The following MTFR1 variants were observed in gnomAD, a reference collection of about 807,000 sequenced individuals.
The protein encoded by MTFR1 is chondrocyte protein with a poly-proline region.
In MTFR1, 28 loss-of-function variants were observed where a neutral mutation model predicts 38.8. The observed-to-expected ratio is 0.72, with a 90% CI of 0.53 to 0.99. The LOEUF (loss-of-function observed/expected upper bound fraction) is 0.99, where lower values mean the gene tolerates loss of function less well. Ranked by LOEUF, MTFR1 falls within the 50% of genes least tolerant of loss-of-function variation. MTFR1 has a pLI of 0.00. For synonymous variants in MTFR1, 145 were observed against 137.0 expected, an observed-to-expected ratio of 1.06 and a Z score of -0.41; for missense variants, 358 against 395.5, an observed-to-expected ratio of 0.91 and a Z score of 0.81.
chr8:65,688,123 G>A (rs1301380891), intron 3 of MTFR1, among the ~76,000 whole-genome samples: 6 of 137,780 alleles, frequency 4.4e-5, no homozygotes, highest in South Asian at 4.9e-4. Flanking sequence ...AAAACAGGCC[G>A]GGCATGGTGG....
At chr8:65,689,619 C>A in intron 3 of MTFR1, 2 of 1,267,654 alleles carry the variant, frequency 1.6e-6, no homozygotes, top group South Asian at 2.6e-5. Flanking sequence ...CCTTTTCTTT[C>A]TCAAACTTCC....
At chr8:65,728,358 T>C (rs150954764) in intron 3 of MTFR1, 7 of 152,376 alleles carry the variant, frequency 4.6e-5, no homozygotes, top group Non-Finnish European at 1.0e-4. Context: ...CTTTCTCTGC[T>C]AGAACGAATC....
intron 4 of MTFR1, among the ~76,000 whole-genome samples, chr8:65,702,147 C>T (rs1805626905): frequency 6.6e-6 from 1 of 152,144 alleles, no homozygotes; most frequent in Admixed American, 6.5e-5. Flanking sequence ...CTGTAGCCTA[C>T]AACACTCCTG....
At chr8:65,663,822 CTTTTTTTT>C (rs1035579864) in intron 1 of MTFR1, among the ~76,000 whole-genome samples, 1 of 78,578 alleles carries the variant, frequency 1.3e-5, no homozygotes, top group Non-Finnish European at 2.5e-5. Flanking sequence ...AATTTCTTTT[CTTTTTTTT>C]TTTTTTTTTT....
At chr8:65,743,760 G>A (rs1807543891) in intron 3 of MTFR1, among the ~76,000 whole-genome samples, 1 of 152,060 alleles carries the variant, frequency 6.6e-6, no homozygotes, top group Non-Finnish European at 1.5e-5. Flanking sequence ...AAGTACAGCA[G>A]TGATTTCATT....
At chr8:65,711,775 A>G (rs909255526), downstream of MTFR1, among the ~76,000 whole-genome samples, 3 of 152,160 alleles carry the variant, frequency 2.0e-5, no homozygotes, top group African/African-American at 4.8e-5. Context: ...GACTATTATT[A>G]TCCTTAGTCT....
intron 3 of MTFR1, chr8:65,728,697 G>T (rs1437928730): frequency 6.6e-6 from 1 of 152,152 alleles, no homozygotes; most frequent in Non-Finnish European, 1.5e-5. Flanking sequence ...GAATGGGCAT[G>T]GGTGTCTATG....
At chr8:65,677,673 C>T (rs547300908) in intron 2 of MTFR1, among the ~76,000 whole-genome samples, 10 of 151,824 alleles carry the variant, frequency 6.6e-5, no homozygotes, top group Admixed American at 2.6e-4. Flanking sequence ...AGCCACCACG[C>T]CCAGCCAGCT....
intron 1 of MTFR1, among the ~76,000 whole-genome samples, chr8:65,657,119 T>G (rs868026709): frequency 1.1e-4 from 17 of 152,048 alleles, no homozygotes; most frequent in Middle Eastern, 3.4e-3. Context: ...GTTCAAGTGA[T>G]TCTCCTGCCT....
Position 65,767,001 on chromosome 8 carries a change from AAACAACAAC to A in MTFR1, c.*49-3918_*49-3910del, listed in dbSNP as rs149118435. ...TGTCAGAAATAAGTCTGCTCATTCA[AAACAACAAC>A]AACAACAACAACAACAACAACAACA... On this transcript the variant is annotated intron_variant, in intron 3 of 3. Coordinates refer to the MTFR1 transcript ENST00000521247. Among the ~76,000 whole-genome samples the A allele has an allele frequency of 1.9e-3, 288 of 150,936 alleles. 1 individual carries two copies. The highest frequency in any genetic ancestry group is 5.6e-3 in the African/African-American group (228 of 41,058).
chr8:65,733,927 T>C (rs1279823266), intron 3 of MTFR1, among the ~76,000 whole-genome samples: 1 of 152,126 alleles, frequency 6.6e-6, no homozygotes, highest in Non-Finnish European at 1.5e-5. Context: ...AGAGATGGGA[T>C]AGGCAGACAT....
chr8:65,763,278 A>G (rs1400341780), intron 3 of MTFR1, among the ~76,000 whole-genome samples: 1 of 152,164 alleles, frequency 6.6e-6, no homozygotes. Context: ...AAAACCCTAT[A>G]AAAAGGTTAC....
At chr8:65,775,145 C>T (rs190878056), downstream of MTFR1, among the ~76,000 whole-genome samples, 45 of 152,200 alleles carry the variant, frequency 3.0e-4, no homozygotes, top group African/African-American at 9.6e-4. Context: ...GTGTTTTCCC[C>T]TCTTAGTTTT....
intron 3 of MTFR1, among the ~76,000 whole-genome samples, chr8:65,746,384 A>T (rs1158930937): frequency 1.3e-5 from 2 of 152,218 alleles, no homozygotes; most frequent in African/African-American, 4.8e-5. Context: ...CACCATGCTT[A>T]AATTATTTGT....
chr8:65,761,838 C>T (rs1385254433), intron 3 of MTFR1, among the ~76,000 whole-genome samples: 1 of 152,112 alleles, frequency 6.6e-6, no homozygotes, highest in Non-Finnish European at 1.5e-5. Context: ...AAATACAAGC[C>T]CCAGGTCAAG....
chr8:65,742,363 C>T (rs1456931832), intron 3 of MTFR1, among the ~76,000 whole-genome samples: 3 of 152,156 alleles, frequency 2.0e-5, no homozygotes, highest in South Asian at 2.1e-4. Context: ...TTTGCTATGT[C>T]GCATCACTTA....
At chr8:65,748,761 A>T (rs1807799365) in intron 3 of MTFR1, among the ~76,000 whole-genome samples, 2 of 152,194 alleles carry the variant, frequency 1.3e-5, no homozygotes, top group African/African-American at 2.4e-5. Context: ...CCTTATGTGT[A>T]TAATGGCAAT....
intron 1 of MTFR1, among the ~76,000 whole-genome samples, chr8:65,658,949 A>C (rs1809339488): frequency 6.6e-6 from 1 of 152,200 alleles, no homozygotes; most frequent in Non-Finnish European, 1.5e-5. Flanking sequence ...AGAAGGCAGT[A>C]GCTGTAGGAG....
chr8:65,771,884 CAAAAAAAAAAAAA>C (rs36101490), downstream of MTFR1, among the ~76,000 whole-genome samples: 2 of 55,836 alleles, frequency 3.6e-5, no homozygotes, highest in South Asian at 8.9e-4. Context: ...CTCCATCTCT[CAAAAAAAAAAAAA>C]AAAAAAAAAA....
Sources: allele counts gnomAD v4.1 joint callset (sites outside exome capture counted in the v4.1 genomes callset), GRCh38; gene constraint gnomAD v4.1.1; transcripts MANE v1.5; gene names NCBI Gene and HGNC (gene_info 2026-07-23, HGNC 2026-07-21).